Variants in CDH13 observed in about 807,000 individuals in gnomAD.
CDH13 encodes cadherin 13, also known as cadherin-13.
In CDH13, 24 loss-of-function variants were observed where a neutral mutation model predicts 63.8. The ratio of observed to expected loss-of-function variants is 0.38; its 90% CI spans 0.27 to 0.53. The LOEUF (loss-of-function observed/expected upper bound fraction) is 0.53, where lower values mean the gene tolerates loss of function less well. Ranked by LOEUF, CDH13 falls within the 20% of genes least tolerant of loss-of-function variation. The pLI is 0.85. For missense variants in CDH13, 1,049 were observed against 903.1 expected, an observed-to-expected ratio of 1.16 and a Z score of -2.07; for synonymous variants, 503 against 355.3, an observed-to-expected ratio of 1.42 and a Z score of -4.67.
In CDH13 at chr16:83,297,960, C is replaced by A. The variant is rs1331498246; in HGVS notation, c.637-46902C>A. 2.0e-5 allele frequency among the ~76,000 whole-genome samples: 3 copies of A among 148,896 alleles called. No homozygotes were observed. The Admixed American group carries it at 2.0e-4, about 10-fold the overall frequency. ...GCACGGCAGCTCACACTTGTAATCA[C>A]AGCACTTTAGGAGGCCGAGGCAGGA... is the stretch of plus-strand genomic sequence containing the variant. On this transcript the variant is annotated intron_variant, in intron 5 of 13. Transcript: ENST00000567109.
intron 6 of CDH13, among the ~76,000 whole-genome samples, chr16:83,475,053 C>G (rs1048723431): frequency 2.6e-5 from 4 of 152,254 alleles, no homozygotes; most frequent in Admixed American, 2.6e-4. Context: ...GCTCCTGGCT[C>G]TTGACCACGA....
intron 1 of CDH13, among the ~76,000 whole-genome samples, chr16:82,647,410 C>G (rs999080463): frequency 6.6e-6 from 1 of 152,292 alleles, no homozygotes; most frequent in Middle Eastern, 3.4e-3. Flanking sequence ...GCAATAAATT[C>G]TCTTGGGAGG....
chr16:82,896,468 A>AT (rs79106564), intron 2 of CDH13, among the ~76,000 whole-genome samples: 24 of 145,162 alleles, frequency 1.7e-4, no homozygotes, highest in South Asian at 4.4e-4. Flanking sequence ...TAATTTTTGT[A>AT]TTTTTTTTTT....
At position 83,753,764 on chromosome 16, in the gene CDH13, C is replaced by T. The variant is rs138180065; in HGVS notation, c.1681+5514C>T. ...AACATGTTGATAAAATATATGGCTT[C>T]GGGAACTTCCATGTAGGATACAGTA... On this transcript the variant is annotated intron_variant, in intron 11 of 13. Coordinates refer to ENST00000567109, the MANE Select transcript of CDH13 (RefSeq NM_001257.5). Among the ~76,000 whole-genome samples the T allele has an allele frequency of 8.3e-3, 1,263 of 151,932 alleles. 47 individuals are homozygous for T. Among genetic ancestry groups the T allele is most frequent in the Admixed American group, 0.056 (857 of 15,230 alleles).
chr16:83,078,019 G>C (rs2032973713), intron 3 of CDH13, among the ~76,000 whole-genome samples: 2 of 152,010 alleles, frequency 1.3e-5, no homozygotes, highest in South Asian at 2.1e-4. Flanking sequence ...TCGTTTATTG[G>C]CTTTGTTTGT....
chr16:82,936,964 G>A (rs2042688314), intron 2 of CDH13, among the ~76,000 whole-genome samples: 1 of 152,120 alleles, frequency 6.6e-6, no homozygotes, highest in Non-Finnish European at 1.5e-5. Context: ...TGGGGTCATG[G>A]TCCTGGGCTG....
chr16:83,200,754 A>T (rs2039003250), intron 4 of CDH13, among the ~76,000 whole-genome samples: 2 of 152,198 alleles, frequency 1.3e-5, no homozygotes, highest in Non-Finnish European at 2.9e-5. Flanking sequence ...TTATTGACTC[A>T]CAGCTACTAT....
At chr16:82,685,329 A>T (rs1355398586) in intron 1 of CDH13, among the ~76,000 whole-genome samples, 2 of 152,142 alleles carry the variant, frequency 1.3e-5, no homozygotes, top group Admixed American at 6.5e-5. Flanking sequence ...CCGTGTCCTC[A>T]CTTGGCAGAA....
chr16:83,069,929 G>A (rs1251399038), intron 3 of CDH13, among the ~76,000 whole-genome samples: 2 of 152,188 alleles, frequency 1.3e-5, no homozygotes, highest in Admixed American at 6.5e-5. Context: ...GGCAATCAGT[G>A]TAGTTGATGG....
intron 5 of CDH13, among the ~76,000 whole-genome samples, chr16:83,275,836 AAG>A (rs1449538582): frequency 6.6e-5 from 10 of 152,164 alleles, no homozygotes; most frequent in Non-Finnish European, 1.3e-4. Context: ...CAGGGAAGGA[AAG>A]AGGGGTGAGG....
At chr16:83,337,271 G>A (rs1025493822) in intron 5 of CDH13, among the ~76,000 whole-genome samples, 1 of 152,148 alleles carries the variant, frequency 6.6e-6, no homozygotes, top group African/African-American at 2.4e-5. Context: ...AGGAACCCAG[G>A]TGCTGGGATG....
chr16:83,716,123 C>T (rs2150929592), intron 10 of CDH13, among the ~76,000 whole-genome samples: 1 of 152,230 alleles, frequency 6.6e-6, no homozygotes, highest in South Asian at 2.1e-4. Flanking sequence ...TTTTTTAGAG[C>T]AGTTGCAGGT....
At chr16:82,731,296 C>G (rs966949212) in intron 1 of CDH13, among the ~76,000 whole-genome samples, 3 of 152,158 alleles carry the variant, frequency 2.0e-5, no homozygotes, top group African/African-American at 7.2e-5. Context: ...ATAGAATATA[C>G]ATATATAAAT....
intron 2 of CDH13, among the ~76,000 whole-genome samples, chr16:83,030,965 T>C (rs983312715): frequency 1.3e-5 from 2 of 151,728 alleles, no homozygotes; most frequent in East Asian, 3.9e-4. Flanking sequence ...GAAAGAAATA[T>C]AGTTCCTCAA....
intron 6 of CDH13, among the ~76,000 whole-genome samples, chr16:83,480,022 A>T (rs969716059): frequency 2.0e-5 from 3 of 152,200 alleles, no homozygotes; most frequent in African/African-American, 4.8e-5. Flanking sequence ...GAGAAGAGCC[A>T]TTTTGTCAAT....
intron 13 of CDH13, among the ~76,000 whole-genome samples, chr16:83,786,810 A>G (rs1332109539): frequency 2.0e-5 from 3 of 151,874 alleles, no homozygotes. Flanking sequence ...CTGGTCTCAA[A>G]CCCCTGACCT....
intron 3 of CDH13, among the ~76,000 whole-genome samples, chr16:83,038,041 T>C (rs1438229751): frequency 6.6e-6 from 1 of 151,940 alleles, no homozygotes; most frequent in Non-Finnish European, 1.5e-5. Context: ...GTAAAGCCAA[T>C]GAAAAGAAAG....
At chr16:83,288,534 G>A (rs901948590) in intron 5 of CDH13, among the ~76,000 whole-genome samples, 8 of 152,158 alleles carry the variant, frequency 5.3e-5, no homozygotes, top group Non-Finnish European at 1.0e-4. Flanking sequence ...TGTGCCTTCT[G>A]GAAGCCATCC....
chr16:83,419,289 C>G (rs2071644207), intron 6 of CDH13, among the ~76,000 whole-genome samples: 1 of 152,128 alleles, frequency 6.6e-6, no homozygotes, highest in South Asian at 2.1e-4. Context: ...ATGCCTCTTC[C>G]ACCCATACAA....
Sources: gnomAD v4.1 joint callset for allele counts (sites outside exome capture counted in the v4.1 genomes callset) on GRCh38, gnomAD v4.1.1 for gene constraint, MANE v1.5 for transcripts, NCBI Gene and HGNC (gene_info 2026-07-23, HGNC 2026-07-21) for gene names.